The following TMC2 variants were observed in gnomAD, a reference collection of about 807,000 sequenced individuals.
The protein encoded by TMC2 is transmembrane channel like 2.
In TMC2, 102 loss-of-function variants were observed where a neutral mutation model predicts 105.9. The observed-to-expected ratio is 0.96, with a 90% CI of 0.82 to 1.14. The LOEUF (loss-of-function observed/expected upper bound fraction) is 1.14, where lower values mean the gene tolerates loss of function less well. Ranked by LOEUF, TMC2 falls within the 50% of genes most tolerant of loss-of-function variation. TMC2 has a pLI of 0.00. For missense variants in TMC2, 1,093 were observed against 1,134.3 expected, an observed-to-expected ratio of 0.96 and a Z score of 0.52; for synonymous variants, 402 against 422.8, an observed-to-expected ratio of 0.95 and a Z score of 0.60.
intron 17 of TMC2, among the ~76,000 whole-genome samples, chr20:2,634,254 C>T (rs892823725): frequency 2.6e-5 from 4 of 152,232 alleles, no homozygotes; most frequent in Non-Finnish European, 1.5e-5. Flanking sequence ...GCTCCACACT[C>T]TGCAATGGCG....
intron 11 of TMC2, among the ~76,000 whole-genome samples, chr20:2,608,964 T>G (rs1436274738): frequency 6.6e-6 from 1 of 152,122 alleles, no homozygotes; most frequent in Admixed American, 6.6e-5. Context: ...AAATTAGAGA[T>G]GGAGGAAAGA....
chr20:2,586,489 A>G (rs1254508267), intron 7 of TMC2, among the ~76,000 whole-genome samples: 2 of 152,222 alleles, frequency 1.3e-5, no homozygotes, highest in Non-Finnish European at 2.9e-5. Flanking sequence ...GGCTGTACAG[A>G]AAGCAAAGTG....
chr20:2,595,747 G>T (rs1370449431), intron 9 of TMC2, among the ~76,000 whole-genome samples: 3 of 103,100 alleles, frequency 2.9e-5, no homozygotes, highest in Admixed American at 1.0e-4. Context: ...GACATGAGGG[G>T]TCACAGCCTC....
At position 2,617,637 on chromosome 20, in the gene TMC2, T is replaced by C. The variant is rs542438889; in HGVS notation, c.2180+326T>C. On this transcript the variant is annotated intron_variant, in intron 16 of 19. Transcript: ENST00000358864. ...ATAGTTGTACATATTTGGGGGTACA[T>C]GTGATATTTGGATACATGTATACAA... is the stretch of plus-strand genomic sequence containing the variant. The C allele has an allele frequency of 5.6e-4, 197 of 353,872 alleles. 1 individual carries two copies. The highest frequency in any genetic ancestry group is 3.8e-3 in the African/African-American group (181 of 48,094). 21.9% of individuals were successfully genotyped at this position (353,872 alleles called of 1,614,324 possible). A position where few individuals can be genotyped will look rare whatever the true frequency, so the allele number is the denominator to read the frequency against.
intron 11 of TMC2, among the ~76,000 whole-genome samples, chr20:2,603,224 TAAA>T (rs768255140): frequency 7.1e-6 from 1 of 139,886 alleles, no homozygotes. Context: ...AAGCCCAGTT[TAAA>T]AAAAAAAAAA....
intron 11 of TMC2, among the ~76,000 whole-genome samples, chr20:2,603,765 A>G (rs937097917): frequency 6.6e-6 from 1 of 152,192 alleles, no homozygotes; most frequent in Admixed American, 6.5e-5. Context: ...TATCAGTGCC[A>G]AGTCTTATGC....
intron 2 of TMC2, among the ~76,000 whole-genome samples, chr20:2,549,679 G>A (rs940513894): frequency 1.3e-5 from 2 of 152,122 alleles, no homozygotes; most frequent in African/African-American, 4.8e-5. Flanking sequence ...GGGGGCAGAT[G>A]TTGCAGTGAG....
At chr20:2,559,135 C>G (rs2086007380) in intron 3 of TMC2, among the ~76,000 whole-genome samples, 1 of 152,152 alleles carries the variant, frequency 6.6e-6, no homozygotes. Context: ...CAGCTGGTGA[C>G]TCACCCCGGC....
chr20:2,557,780 T>C (rs1373362273), intron 2 of TMC2, among the ~76,000 whole-genome samples: 3 of 152,138 alleles, frequency 2.0e-5, no homozygotes, highest in Admixed American at 2.0e-4. Context: ...GAAAATTTGG[T>C]AGGGCTCCTG....
chr20:2,556,868 C>CT (rs35012600), intron 2 of TMC2, among the ~76,000 whole-genome samples: 72,146 of 147,376 alleles, frequency 0.49, 17,549 homozygotes, highest in African/African-American at 0.55. Flanking sequence ...GAATTCTGTC[C>CT]TTTTTTTTTT....
At chr20:2,617,667 TA>T (rs771159565) in intron 16 of TMC2, 13 of 250,540 alleles carry the variant, frequency 5.2e-5, no homozygotes, top group African/African-American at 9.1e-5. Flanking sequence ...ATACAATATA[TA>T]ATGATCAAAT....
intron 11 of TMC2, among the ~76,000 whole-genome samples, chr20:2,603,325 C>T (rs1190023783): frequency 6.6e-6 from 1 of 150,930 alleles, no homozygotes; most frequent in Non-Finnish European, 1.5e-5. Context: ...AAAAAGAAGA[C>T]AGCCTATCTT....
intron 10 of TMC2, among the ~76,000 whole-genome samples, chr20:2,601,003 AAAG>A (rs2086347864): frequency 1.3e-5 from 2 of 151,642 alleles, no homozygotes; most frequent in African/African-American, 4.8e-5. Flanking sequence ...AAAAAAAAAA[AAAG>A]AAAAAAAAGT....
chr20:2,616,954 T>G lies in TMC2; in HGVS notation c.1941-118T>G. ...ATGGGAGGCCCCTTACCTGGGGACTTGCCAGGAAAGCAGCTCGGCCTCATG... is the reference window on the plus strand; with the variant it reads ...ATGGGAGGCCCCTTACCTGGGGACTGGCCAGGAAAGCAGCTCGGCCTCATG... On this transcript the variant is annotated intron_variant, in intron 15 of 19. Coordinates refer to ENST00000358864, the MANE Select transcript of TMC2 (RefSeq NM_080751.3). The surrounding 1 kb of genome is among the most constrained non-coding windows in gnomAD (Gnocchi z 4.8). The G allele has an allele frequency of 8.2e-7, 1 of 1,216,836 alleles. No homozygotes were observed. The allele number at this position is 1,216,836 out of a possible 1,614,324, so 75.4% of individuals were successfully genotyped here. A position where few individuals can be genotyped will look rare whatever the true frequency, so the allele number is the denominator to read the frequency against.
intron 9 of TMC2, among the ~76,000 whole-genome samples, chr20:2,596,163 C>A (rs965326978): frequency 2.0e-5 from 3 of 152,130 alleles, no homozygotes; most frequent in Admixed American, 6.5e-5. Context: ...TCTTATAGCA[C>A]CCCTGTTTGG....
At chr20:2,573,971 C>T (rs1197565594) in intron 5 of TMC2, among the ~76,000 whole-genome samples, 1 of 152,138 alleles carries the variant, frequency 6.6e-6, no homozygotes, top group Non-Finnish European at 1.5e-5. Flanking sequence ...AACTAGCCAT[C>T]CTAGAACAGC....
Position 2,624,484 on chromosome 20 carries a change from T to C in TMC2, c.2306+88T>C, listed in dbSNP as rs1370489675. 2.0e-6 allele frequency: 3 copies of C among 1,471,358 alleles called. No homozygotes were observed. In the Admixed American group the frequency reaches 5.9e-5, roughly 29 times the overall value. The allele number at this position is 1,471,358 out of a possible 1,614,324, so 91.1% of individuals were successfully genotyped here. ...TTGGCAGGTCCTTTTCATCTTGCCT[T>C]CTTAGTCTGCACTCCCCAGAAGCAG... is the stretch of plus-strand genomic sequence containing the variant. On this transcript the variant is annotated intron_variant, in intron 17 of 19. Coordinates refer to ENST00000358864, the MANE Select transcript of TMC2 (RefSeq NM_080751.3).
At chr20:2,617,400 T>C in intron 16 of TMC2, 89 bp downstream of exon 16, 1 of 1,534,952 alleles carries the variant, frequency 6.5e-7, no homozygotes, top group Non-Finnish European at 8.9e-7. Flanking sequence ...TCTGGTTTCA[T>C]GCCAGCCTGT....
At position 2,643,411 on chromosome 20, in the gene TMC2, C is replaced by G; in HGVS notation, c.*2060C>G. ...GGTCCCCTAGTGATTACTGTCAGGC[C>G]TCCACTGGTTACTAATACACATAAA... On this transcript the variant is annotated 3_prime_UTR_variant, in exon 20 of 20. Transcript: ENST00000358864. Among the ~76,000 whole-genome samples the G allele has an allele frequency of 6.6e-6, 1 of 152,194 alleles. No homozygotes were observed. The highest frequency in any genetic ancestry group is 1.9e-4 in the East Asian group (1 of 5,196).
Sources: allele counts gnomAD v4.1 joint callset (sites outside exome capture counted in the v4.1 genomes callset), GRCh38; gene constraint gnomAD v4.1.1; non-coding constraint Gnocchi (gnomAD v3.1); transcripts MANE v1.5; gene names NCBI Gene and HGNC (gene_info 2026-07-23, HGNC 2026-07-21).